Variants in PIK3C3 observed in about 807,000 individuals in gnomAD.
PIK3C3 encodes phosphatidylinositol 3-kinase catalytic subunit type 3.
PIK3C3 carries 95 observed loss-of-function variants against 126.1 expected under a neutral mutation model. The ratio of observed to expected loss-of-function variants is 0.75; its 90% CI spans 0.64 to 0.89. The LOEUF (loss-of-function observed/expected upper bound fraction) is 0.89. Among genes scored for constraint, PIK3C3 ranks in the 40% least tolerant of loss-of-function variants. The pLI, the probability that PIK3C3 is intolerant of heterozygous loss-of-function variation, is 0.00. For missense variants in PIK3C3, 829 were observed against 1,063.2 expected, an observed-to-expected ratio of 0.78 and a Z score of 3.06; for synonymous variants, 374 against 360.0, an observed-to-expected ratio of 1.04 and a Z score of -0.44.
At chr18:42,023,970 T>G (rs1406149375) in intron 13 of PIK3C3, among the ~76,000 whole-genome samples, 1 of 152,228 alleles carries the variant, frequency 6.6e-6, no homozygotes, top group Non-Finnish European at 1.5e-5. Context: ...GTCAACCTTT[T>G]AAGCCACAGA....
At chr18:41,964,507 C>G (rs118039595) in intron 3 of PIK3C3, among the ~76,000 whole-genome samples, 362 of 151,940 alleles carry the variant, frequency 2.4e-3, no homozygotes, top group Admixed American at 5.7e-3. Flanking sequence ...TTTAATGGGC[C>G]TGATAAATAT....
chr18:41,972,785 T>C, intron 4 of PIK3C3, among the ~76,000 whole-genome samples: 1 of 152,142 alleles, frequency 6.6e-6, no homozygotes, highest in East Asian at 1.9e-4. Flanking sequence ...TTTTTTGATG[T>C]ATTGTGCTAA....
intron 5 of PIK3C3, 75 bp from the exon 6 acceptor site, chr18:41,990,383 GA>G: frequency 1.2e-6 from 1 of 837,750 alleles, no homozygotes; most frequent in Non-Finnish European, 2.0e-6. Flanking sequence ...ACTGAATTAG[GA>G]AAAATGATAC....
chr18:42,070,664 G>C (rs974743069), intron 24 of PIK3C3: 1 of 152,074 alleles, frequency 6.6e-6, no homozygotes, highest in Non-Finnish European at 1.5e-5. Context: ...TAAAACATCT[G>C]TTTTTGATAT....
chr18:42,043,183 G>C (rs1351833271), intron 19 of PIK3C3, among the ~76,000 whole-genome samples: 1 of 150,402 alleles, frequency 6.6e-6, no homozygotes. Flanking sequence ...ACTGCAACCT[G>C]TACCTCCCAG....
chr18:41,997,045 A>G (rs1982060476), intron 9 of PIK3C3, among the ~76,000 whole-genome samples: 1 of 152,028 alleles, frequency 6.6e-6, no homozygotes, highest in Non-Finnish European at 1.5e-5. Context: ...TGTCCTTATT[A>G]TTCTAATGGC....
At chr18:41,975,799 A>T (rs548302568) in intron 4 of PIK3C3, among the ~76,000 whole-genome samples, 1 of 150,282 alleles carries the variant, frequency 6.7e-6, no homozygotes, top group Non-Finnish European at 1.5e-5. Context: ...TCCCAAGTTC[A>T]TGCCATTCTC....
chr18:41,982,775 A>G (rs865812985), intron 4 of PIK3C3, among the ~76,000 whole-genome samples: 6 of 152,192 alleles, frequency 3.9e-5, no homozygotes, highest in African/African-American at 1.4e-4. Flanking sequence ...TGTGTTATAG[A>G]TGAATATGTG....
At chr18:41,987,031 C>G (rs1365116151) in intron 4 of PIK3C3, among the ~76,000 whole-genome samples, 1 of 151,968 alleles carries the variant, frequency 6.6e-6, no homozygotes, top group Non-Finnish European at 1.5e-5. Flanking sequence ...GACAATGAAG[C>G]AGAAGAAACT....
At chr18:42,062,238 C>CTTT (rs59113345) in intron 22 of PIK3C3, among the ~76,000 whole-genome samples, 7 of 142,502 alleles carry the variant, frequency 4.9e-5, no homozygotes, top group African/African-American at 7.7e-5. Context: ...GAAAGAGCAT[C>CTTT]TTTTTTTTTT....
At chr18:42,048,351 G>A (rs1984648114) in intron 20 of PIK3C3, among the ~76,000 whole-genome samples, 1 of 152,172 alleles carries the variant, frequency 6.6e-6, no homozygotes, top group African/African-American at 2.4e-5. Context: ...ACAGGAAGGA[G>A]AAAAGGCCTA....
intron 2 of PIK3C3, among the ~76,000 whole-genome samples, chr18:41,961,635 T>A (rs1404480800): frequency 6.6e-6 from 1 of 152,156 alleles, no homozygotes; most frequent in Admixed American, 6.5e-5. Context: ...AACAGAATAA[T>A]TTTGAGTAAA....
At chr18:41,976,847 G>T (rs569286072) in intron 4 of PIK3C3, among the ~76,000 whole-genome samples, 5 of 152,186 alleles carry the variant, frequency 3.3e-5, no homozygotes, top group Non-Finnish European at 7.3e-5. Context: ...AGATGAAAGC[G>T]TAGAGAAGTT....
chr18:42,000,692 A>G (rs774322208), intron 9 of PIK3C3, among the ~76,000 whole-genome samples: 5 of 152,190 alleles, frequency 3.3e-5, no homozygotes, highest in Admixed American at 1.3e-4. Flanking sequence ...AGGCCTCACA[A>G]TCATGATGGA....
chr18:42,025,785 ATATG>A, intron 13 of PIK3C3: 2 of 152,234 alleles, frequency 1.3e-5, no homozygotes, highest in East Asian at 3.8e-4. Flanking sequence ...TAAAAAATGA[ATATG>A]TATTTATATT....
intron 2 of PIK3C3, among the ~76,000 whole-genome samples, chr18:41,960,723 T>C (rs1980035875): frequency 6.6e-6 from 1 of 152,066 alleles, no homozygotes; most frequent in Non-Finnish European, 1.5e-5. Flanking sequence ...TCAAACTTTT[T>C]GACTGAAGGA....
chr18:42,040,770 C>T, intron 19 of PIK3C3, 29 bp downstream of exon 19: 1 of 1,373,870 alleles, frequency 7.3e-7, no homozygotes, highest in Non-Finnish European at 1.0e-6. Context: ...TTATGCAATT[C>T]ATGAATATAT....
chr18:42,040,613 G>A, intron 18 of PIK3C3, 64 bp from the exon 19 acceptor site: 1 of 1,114,596 alleles, frequency 9.0e-7, no homozygotes, highest in South Asian at 1.3e-5. Flanking sequence ...ATTCTTAGCA[G>A]AACCTTTATT....
intron 24 of PIK3C3, among the ~76,000 whole-genome samples, chr18:42,076,131 T>C (rs1377505532): frequency 0.011 from 947 of 83,394 alleles, 78 homozygotes; most frequent in African/African-American, 0.053. Flanking sequence ...TGCGCATATA[T>C]ATATATATAT....
Sources: allele counts gnomAD v4.1 joint callset (sites outside exome capture counted in the v4.1 genomes callset), GRCh38; gene constraint gnomAD v4.1.1; transcripts MANE v1.5; gene names NCBI Gene and HGNC (gene_info 2026-07-23, HGNC 2026-07-21).